GRXCR1: variants seen among roughly 807,000 people sequenced by gnomAD.
GRXCR1 encodes glutaredoxin and cysteine rich domain containing 1, also known as glutaredoxin domain-containing cysteine-rich protein 1.
A neutral mutation model predicts 27.3 loss-of-function variants in GRXCR1; 27 were observed. That is an observed-to-expected ratio of 0.99 (90% CI 0.73 to 1.37). The LOEUF is 1.37. Among genes scored for constraint, GRXCR1 ranks in the 40% most tolerant of loss-of-function variants. The pLI is 0.00. For synonymous variants in GRXCR1, 122 were observed against 131.1 expected, an observed-to-expected ratio of 0.93 and a Z score of 0.47; for missense variants, 379 against 354.4, an observed-to-expected ratio of 1.07 and a Z score of -0.56.
At chr4:43,012,015 T>A (rs1241827732) in intron 2 of GRXCR1, among the ~76,000 whole-genome samples, 1 of 152,212 alleles carries the variant, frequency 6.6e-6, no homozygotes, top group Non-Finnish European at 1.5e-5. Flanking sequence ...TAATTGACAC[T>A]TTGATCAACT....
At chr4:42,904,045 G>A (rs557962302) in intron 1 of GRXCR1, among the ~76,000 whole-genome samples, 3 of 152,160 alleles carry the variant, frequency 2.0e-5, no homozygotes, top group Non-Finnish European at 4.4e-5. Flanking sequence ...GATCCTCCAT[G>A]TAGGAATGGA....
intron 2 of GRXCR1, among the ~76,000 whole-genome samples, chr4:42,965,235 A>G (rs1748210673): frequency 1.3e-5 from 2 of 152,034 alleles, no homozygotes; most frequent in Admixed American, 6.6e-5. Flanking sequence ...TTATTTATAC[A>G]CATGGTAGCC....
At chr4:42,926,733 T>G (rs1747167258) in intron 1 of GRXCR1, among the ~76,000 whole-genome samples, 2 of 152,042 alleles carry the variant, frequency 1.3e-5, no homozygotes, top group South Asian at 4.1e-4. Flanking sequence ...TAGCTAAACT[T>G]GTGGCTGAAG....
chr4:42,986,394 G>A (rs902369018), intron 2 of GRXCR1, among the ~76,000 whole-genome samples: 1 of 152,126 alleles, frequency 6.6e-6, no homozygotes, highest in East Asian at 1.9e-4. Flanking sequence ...GGGCCCAGGG[G>A]CCAGTCAATT....
intron 1 of GRXCR1, among the ~76,000 whole-genome samples, chr4:42,901,401 C>A (rs1227048257): frequency 6.6e-6 from 1 of 152,140 alleles, no homozygotes. Flanking sequence ...CGGCAGAATT[C>A]ATTTCTTGCA....
chr4:43,010,154 C>A (rs1248535121), intron 2 of GRXCR1, among the ~76,000 whole-genome samples: 2 of 152,126 alleles, frequency 1.3e-5, no homozygotes, highest in African/African-American at 2.4e-5. Flanking sequence ...GTAATCCCAG[C>A]ACTTTGGGAG....
At chr4:42,975,027 C>T (rs1748480410) in intron 2 of GRXCR1, among the ~76,000 whole-genome samples, 1 of 152,080 alleles carries the variant, frequency 6.6e-6, no homozygotes, top group Non-Finnish European at 1.5e-5. Context: ...GTATGACTAC[C>T]TGCCCTGGGT....
chr4:42,911,394 T>C (rs760666959), intron 1 of GRXCR1, among the ~76,000 whole-genome samples: 40 of 152,108 alleles, frequency 2.6e-4, no homozygotes, highest in Non-Finnish European at 5.3e-4. Context: ...ATACAACTTC[T>C]GCTGTCAAGA....
chr4:42,968,904 C>A (rs1024755649), intron 2 of GRXCR1, among the ~76,000 whole-genome samples: 8 of 151,962 alleles, frequency 5.3e-5, no homozygotes, highest in African/African-American at 1.9e-4. Flanking sequence ...TAAGGTATTT[C>A]TTAGTACTGC....
At chr4:43,025,365 T>G (rs1268845824) in intron 3 of GRXCR1, among the ~76,000 whole-genome samples, 3 of 152,210 alleles carry the variant, frequency 2.0e-5, no homozygotes, top group Non-Finnish European at 4.4e-5. Context: ...CCTTACACAG[T>G]GCCTGGCTAG....
chr4:42,939,995 A>G (rs1222592846), intron 1 of GRXCR1, among the ~76,000 whole-genome samples: 1 of 151,776 alleles, frequency 6.6e-6, no homozygotes, highest in East Asian at 1.9e-4. Context: ...AATTGAGATA[A>G]TGCTCTGGCA....
At chr4:42,949,688 T>C (rs557295750) in intron 1 of GRXCR1, among the ~76,000 whole-genome samples, 4 of 152,272 alleles carry the variant, frequency 2.6e-5, no homozygotes, top group African/African-American at 9.6e-5. Context: ...CAAGCTTTCA[T>C]AAATGGCCTC....
chr4:42,902,027 A>G (rs1053409229), intron 1 of GRXCR1, among the ~76,000 whole-genome samples: 8 of 152,152 alleles, frequency 5.3e-5, no homozygotes, highest in Non-Finnish European at 1.0e-4. Context: ...GCTACATTCA[A>G]TATAATTTAA....
intron 1 of GRXCR1, among the ~76,000 whole-genome samples, chr4:42,934,628 C>T (rs1249714926): frequency 6.6e-6 from 1 of 151,886 alleles, no homozygotes; most frequent in Non-Finnish European, 1.5e-5. Flanking sequence ...AAATAGAGTG[C>T]TTTTTAAAAC....
Position 42,962,880 on chromosome 4 carries a change from T to G in GRXCR1, c.385-12T>G. On this transcript the variant is annotated splice_polypyrimidine_tract_variant and intron_variant, in intron 1 of 3. Transcript: ENST00000399770. ...AAGCAAACATTCTTACAACTCAATG[T>G]TTTCCCTTCAGCAACCATCAACTGA... The G allele has an allele frequency of 6.2e-7, 1 of 1,612,214 alleles. No individual in the cohort carries two copies. Among genetic ancestry groups the G allele is most frequent in the East Asian group, 2.2e-5 (1 of 44,858 alleles).
intron 1 of GRXCR1, among the ~76,000 whole-genome samples, chr4:42,911,645 A>C (rs1054339206): frequency 2.0e-5 from 3 of 152,046 alleles, no homozygotes; most frequent in African/African-American, 7.2e-5. Flanking sequence ...AGCAGTGACT[A>C]TGGGGAAAGA....
chr4:43,029,682 C>G (rs1713359728), intron 3 of GRXCR1, among the ~76,000 whole-genome samples: 1 of 152,102 alleles, frequency 6.6e-6, no homozygotes, highest in Non-Finnish European at 1.5e-5. Context: ...CTGTGGGAAG[C>G]TAAATAGACT....
rs1746266088 is a variant in GRXCR1, at chr4:42,892,951, A to G, written c.-316A>G. Among the ~76,000 whole-genome samples the G allele has an allele frequency of 6.6e-6, 1 of 152,066 alleles. No homozygotes were observed. Among genetic ancestry groups the G allele is most frequent in the South Asian group, 2.1e-4 (1 of 4,820 alleles). ...AGCCTTTCATTTTCTTGCCCCATACATATTTTCAGATTCGCTGCATGCCAC... is the reference window on the plus strand; with the variant it reads ...AGCCTTTCATTTTCTTGCCCCATACGTATTTTCAGATTCGCTGCATGCCAC... On this transcript the variant is annotated 5_prime_UTR_variant, in exon 1 of 4. Transcript: ENST00000399770.
intron 1 of GRXCR1, 94 bp downstream of exon 1, chr4:42,893,744 T>C: frequency 1.7e-6 from 2 of 1,177,856 alleles, no homozygotes; most frequent in Non-Finnish European, 2.5e-6. Context: ...CTCTCTTATT[T>C]GCAACTCCTA....
Sources: gnomAD v4.1 joint callset for allele counts (sites outside exome capture counted in the v4.1 genomes callset) on GRCh38, gnomAD v4.1.1 for gene constraint, MANE v1.5 for transcripts, NCBI Gene and HGNC (gene_info 2026-07-23, HGNC 2026-07-21) for gene names.